The following KIAA0825 variants were observed in gnomAD, a reference collection of about 807,000 sequenced individuals.
KIAA0825 encodes the protein uncharacterized protein KIAA0825.
Under a neutral mutation model 147.6 loss-of-function variants are expected in KIAA0825, and 119 were observed. The observed-to-expected ratio is 0.81, with a 90% CI of 0.69 to 0.94. KIAA0825 has a LOEUF of 0.94. KIAA0825 is among the 40% of genes least tolerant of loss of function. The pLI, the probability that KIAA0825 is intolerant of heterozygous loss-of-function variation, is 0.00. For synonymous variants in KIAA0825, 470 were observed against 518.1 expected (o/e 0.91, Z 1.26); for missense variants, 1,381 against 1,472.7 (o/e 0.94, Z 1.02).
intron 1 of KIAA0825, among the ~76,000 whole-genome samples, chr5:94,603,193 T>C (rs771056786): frequency 3.9e-5 from 6 of 152,056 alleles, no homozygotes; most frequent in East Asian, 3.8e-4. Context: ...AAGTCACTTA[T>C]AAAGGGAAGC....
At chr5:94,493,577 C>T (rs1763977201) in intron 5 of KIAA0825, among the ~76,000 whole-genome samples, 1 of 152,118 alleles carries the variant, frequency 6.6e-6, no homozygotes, top group Non-Finnish European at 1.5e-5. Context: ...AAGCTCCACC[C>T]CGCCGGGTTC....
intron 5 of KIAA0825, among the ~76,000 whole-genome samples, chr5:94,502,050 T>C (rs901688507): frequency 4.6e-5 from 7 of 152,180 alleles, no homozygotes; most frequent in Non-Finnish European, 5.9e-5. Flanking sequence ...CTGTAGAATG[T>C]ACATGTACAG....
At chr5:94,368,560 C>T (rs1447980019) in intron 20 of KIAA0825, among the ~76,000 whole-genome samples, 1 of 152,134 alleles carries the variant, frequency 6.6e-6, no homozygotes. Context: ...TAGAGACATT[C>T]CAGCTGGAGT....
intron 20 of KIAA0825, among the ~76,000 whole-genome samples, chr5:94,314,320 T>G (rs961264262): frequency 2.0e-5 from 3 of 151,700 alleles, no homozygotes; most frequent in Non-Finnish European, 4.4e-5. Flanking sequence ...ACAGCAGTTT[T>G]GTTGTGCTTT....
intron 7 of KIAA0825, among the ~76,000 whole-genome samples, chr5:94,474,483 T>G (rs1232142960): frequency 6.6e-6 from 1 of 152,184 alleles, no homozygotes; most frequent in African/African-American, 2.4e-5. Flanking sequence ...GGGGTTTTTT[T>G]GCTAGAAAAA....
intron 14 of KIAA0825, among the ~76,000 whole-genome samples, chr5:94,431,309 A>T (rs1435956549): frequency 6.6e-6 from 1 of 152,246 alleles, no homozygotes; most frequent in East Asian, 1.9e-4. Context: ...AGAGAGATCA[A>T]TGAATAAAAC....
intron 20 of KIAA0825, among the ~76,000 whole-genome samples, chr5:94,183,280 A>G (rs1769831075): frequency 6.6e-6 from 1 of 152,214 alleles, no homozygotes; most frequent in African/African-American, 2.4e-5. Context: ...GAATTTTGTG[A>G]CATAAGAAGA....
At chr5:94,607,577 C>T (rs1787725130) in intron 1 of KIAA0825, among the ~76,000 whole-genome samples, 3 of 152,146 alleles carry the variant, frequency 2.0e-5, no homozygotes, top group Admixed American at 2.0e-4. Flanking sequence ...CCACTGCCTT[C>T]TACCCTGGGT....
intron 1 of KIAA0825, 87 bp downstream of exon 1, chr5:94,618,413 C>G (rs1791175682): frequency 6.6e-6 from 1 of 152,524 alleles, no homozygotes; most frequent in African/African-American, 2.4e-5. Flanking sequence ...CTCGCCCACT[C>G]ACTTCTCGGG....
chr5:94,308,839 C>T (rs1778915459), intron 20 of KIAA0825, among the ~76,000 whole-genome samples: 1 of 148,050 alleles, frequency 6.8e-6, no homozygotes, highest in African/African-American at 2.4e-5. Flanking sequence ...AGGCCGTTTT[C>T]CTCCTTCCAG....
At chr5:94,440,212 T>C in intron 13 of KIAA0825, 91 bp from the exon 14 acceptor site, 1 of 1,226,862 alleles carries the variant, frequency 8.2e-7, no homozygotes. Context: ...CTAACTCCTT[T>C]AAATGTCAAT....
At chr5:94,487,680 A>T (rs1763215094) in intron 5 of KIAA0825, among the ~76,000 whole-genome samples, 1 of 152,180 alleles carries the variant, frequency 6.6e-6, no homozygotes, top group Non-Finnish European at 1.5e-5. Context: ...CGCATTTTTC[A>T]GTATTATTTG....
chr5:94,577,714 C>T (rs1209925056), intron 2 of KIAA0825, among the ~76,000 whole-genome samples: 1 of 152,170 alleles, frequency 6.6e-6, no homozygotes, highest in Non-Finnish European at 1.5e-5. Flanking sequence ...AACCATTATT[C>T]CCCTAAAGAC....
intron 5 of KIAA0825, among the ~76,000 whole-genome samples, chr5:94,502,019 T>TAA (rs1765153451): frequency 1.3e-5 from 2 of 151,988 alleles, no homozygotes; most frequent in African/African-American, 4.8e-5. Context: ...GTGATATAAG[T>TAA]AAAAAAAATT....
chr5:94,566,137 T>C (rs1049797671), intron 2 of KIAA0825, among the ~76,000 whole-genome samples: 3 of 152,230 alleles, frequency 2.0e-5, no homozygotes, highest in African/African-American at 7.2e-5. Context: ...TATTCCATTG[T>C]GTATATATAC....
chr5:94,209,677 T>C (rs1378363450), intron 20 of KIAA0825, among the ~76,000 whole-genome samples: 3 of 152,362 alleles, frequency 2.0e-5, no homozygotes, highest in Admixed American at 2.0e-4. Context: ...TAAGCTTTTT[T>C]AATGGTGGCT....
chr5:94,444,890 C>G (rs1185551614), intron 13 of KIAA0825, among the ~76,000 whole-genome samples: 3 of 152,036 alleles, frequency 2.0e-5, no homozygotes, highest in Admixed American at 1.3e-4. Context: ...TCACATTGCT[C>G]TAAAGAACTA....
rs1786599044 is a variant in KIAA0825 at position 94,602,192 on chromosome 5, A to G, written c.-153+16308T>C. ...GTGAAACCTCATCTCTATTAAAAATACAAAAAAAATTAGCCAGGTGTGGTA... is the reference window on the plus strand; with the variant it reads ...GTGAAACCTCATCTCTATTAAAAATGCAAAAAAAATTAGCCAGGTGTGGTA... On this transcript the variant is annotated intron_variant, in intron 1 of 20. Coordinates refer to ENST00000682413, the MANE Select transcript of KIAA0825 (RefSeq NM_001145678.3). Among the ~76,000 whole-genome samples the G allele has an allele frequency of 2.0e-5, 3 of 152,194 alleles. No individual in the cohort carries two copies. In the South Asian group the frequency reaches 6.2e-4, roughly 31 times the overall value.
At chr5:94,593,882 C>A (rs746305185) in intron 1 of KIAA0825, 64 of 393,540 alleles carry the variant, frequency 1.6e-4, no homozygotes, top group Non-Finnish European at 3.0e-4. Flanking sequence ...TATTTCCCTG[C>A]TCCCTTCTCC....
Sources: gnomAD v4.1 joint callset for allele counts (sites outside exome capture counted in the v4.1 genomes callset) on GRCh38, gnomAD v4.1.1 for gene constraint, MANE v1.5 for transcripts, NCBI Gene and HGNC (gene_info 2026-07-23, HGNC 2026-07-21) for gene names.